SLC5A5: variants seen among roughly 807,000 people sequenced by gnomAD.
SLC5A5 encodes sodium/iodide cotransporter.
SLC5A5 carries 56 observed loss-of-function variants against 68.6 expected under a neutral mutation model. The ratio of observed to expected loss-of-function variants is 0.82; its 90% CI spans 0.66 to 1.02. SLC5A5 has a LOEUF of 1.02. Ranked by LOEUF, SLC5A5 falls within the 50% of genes least tolerant of loss-of-function variation. SLC5A5 has a pLI of 0.00. For synonymous variants in SLC5A5, 398 were observed against 373.0 expected (o/e 1.07, Z -0.77); for missense variants, 807 against 859.8 (o/e 0.94, Z 0.77).
At chr19:17,883,428 GAAGA>G (rs2094325468) in intron 10 of SLC5A5, among the ~76,000 whole-genome samples, 1 of 150,580 alleles carries the variant, frequency 6.6e-6, no homozygotes, top group African/African-American at 2.4e-5. Flanking sequence ...AAAAAAAGAA[GAAGA>G]AAGGGTCTCC....
chr19:17,889,598 G>T (rs1599932959), intron 13 of SLC5A5, among the ~76,000 whole-genome samples: 2 of 152,114 alleles, frequency 1.3e-5, no homozygotes, highest in Admixed American at 1.3e-4. Context: ...TCATCCTCCC[G>T]AGTAGCTGAG....
chr19:17,883,111 C>T (rs1397708770), intron 10 of SLC5A5, among the ~76,000 whole-genome samples: 1 of 152,064 alleles, frequency 6.6e-6, no homozygotes. Context: ...TGAGCCACCA[C>T]GCCTGGCCTG....
chr19:17,893,412 T>C (rs2030276574), intron 14 of SLC5A5, among the ~76,000 whole-genome samples: 1 of 152,038 alleles, frequency 6.6e-6, no homozygotes, highest in Non-Finnish European at 1.5e-5. Context: ...CAGAAATATT[T>C]ATTTTCTTGA....
chr19:17,893,692 C>CT, intron 14 of SLC5A5, 21 bp from the exon 15 acceptor site: 1 of 1,612,504 alleles, frequency 6.2e-7, no homozygotes, highest in Non-Finnish European at 8.5e-7. Context: ...GATGGGGTCT[C>CT]TTTTTCCCAC....
At chr19:17,876,932 G>A (rs1042036086) in intron 5 of SLC5A5, among the ~76,000 whole-genome samples, 4 of 151,954 alleles carry the variant, frequency 2.6e-5, no homozygotes, top group African/African-American at 9.7e-5. Context: ...CGGGGAGGCT[G>A]AGGCAGGAGA....
In SLC5A5 at chr19:17,877,990, T is replaced by C. The variant is rs1419486012; in HGVS notation, c.866T>C (p.Leu289Pro). 6.2e-7 allele frequency: 1 copy of C among 1,613,428 alleles called. No homozygotes were observed. Among genetic ancestry groups the C allele is most frequent in the African/African-American group, 1.3e-5 (1 of 74,934 alleles). The change falls in exon 7 of 15, where the codon CTG becomes CCG. Residue 289 changes from leucine (L) to proline (P), a missense_variant. Coordinates refer to ENST00000222248, the MANE Select transcript of SLC5A5 (RefSeq NM_000453.3). Reference protein sequence around the residue: ...KLALLINQVGLFLIVSSAACC... With the variant: ...KLALLINQVGPFLIVSSAACC... ...GCCCTGCTCATCAACCAGGTCGGCCTGTTCCTGATCGTGTCCAGCGCTGCC... is the reference window on the plus strand; with the variant it reads ...GCCCTGCTCATCAACCAGGTCGGCCCGTTCCTGATCGTGTCCAGCGCTGCC...
Position 17,880,963 on chromosome 19 carries a change from C to A in SLC5A5, c.1058+10C>A. 1.2e-6 allele frequency: 2 copies of A among 1,602,896 alleles called. No individual in the cohort carries two copies. The highest frequency in any genetic ancestry group is 1.3e-5 in the African/African-American group (1 of 74,842). On this transcript the variant is annotated intron_variant, in intron 8 of 14. Transcript: ENST00000222248. ...ACAGTGGCACCCTCAGGTGAGCACC[C>A]CTGCTTGTTCATGGAGCATTATTTC...
chr19:17,872,215 T>A lies in SLC5A5; in HGVS notation c.-105T>A. ...CGGAGCGGGGACAGGCTGCCGAGCA[T>A]CCTCCCACCCGCCCTCCCCGTCCTG... On this transcript the variant is annotated 5_prime_UTR_variant, in exon 1 of 15. Coordinates refer to ENST00000222248, the MANE Select transcript of SLC5A5 (RefSeq NM_000453.3). 3 of 612,714 alleles carry A rather than the reference T, an allele frequency of 4.9e-6. No individual in the cohort carries two copies. Among genetic ancestry groups the A allele is most frequent in the Non-Finnish European group, 8.8e-6 (3 of 342,086 alleles). The allele number at this position is 612,714 out of a possible 1,614,324, so 38.0% of individuals were successfully genotyped here.
intron 10 of SLC5A5, 46 bp from the exon 11 acceptor site, chr19:17,883,635 G>A (rs1255628267): frequency 1.3e-6 from 2 of 1,487,850 alleles, no homozygotes; most frequent in African/African-American, 1.4e-5. Context: ...GGCCCAGAGC[G>A]GTGGGAGGGC....
Position 17,890,993 on chromosome 19 carries a change from T to C in SLC5A5, c.1759T>C (p.Leu587=). 1 of 1,607,294 alleles carries C rather than the reference T, an allele frequency of 6.2e-7. No individual in the cohort carries two copies. Among genetic ancestry groups the C allele is most frequent in the African/African-American group, 1.3e-5 (1 of 74,916 alleles). ...AGAAGTGGCCATCCTGGATGACAAC[T>C]TGGTCAAGGTCAGTCTTAGGCTGGG... ...KEEVAILDDN[L]VKGPEELPTG... The change falls in exon 14 of 15, where the codon TTG becomes CTG. Residue 587 remains leucine, a synonymous_variant. Coordinates refer to ENST00000222248, the MANE Select transcript of SLC5A5 (RefSeq NM_000453.3).
At chr19:17,876,306 G>T (rs2094307116) in intron 5 of SLC5A5, among the ~76,000 whole-genome samples, 200 bp downstream of exon 5, 1 of 151,872 alleles carries the variant, frequency 6.6e-6, no homozygotes, top group Non-Finnish European at 1.5e-5. Flanking sequence ...GTGCACCTGT[G>T]GTCCCAGGTA....
At chr19:17,876,158 G>T in intron 5 of SLC5A5, 52 bp downstream of exon 5, 2 of 1,587,172 alleles carry the variant, frequency 1.3e-6, no homozygotes, top group South Asian at 1.1e-5. Context: ...GGACCAGTGC[G>T]GTGGCTCATG....
intron 7 of SLC5A5, among the ~76,000 whole-genome samples, chr19:17,879,415 C>G (rs962572471): frequency 1.3e-5 from 2 of 152,216 alleles, no homozygotes; most frequent in African/African-American, 4.8e-5. Context: ...ATGTCCCAAG[C>G]GTCCACTCTG....
chr19:17,874,164 A>C lies in SLC5A5; in HGVS notation c.384A>C (p.Ala128=), dbSNP rs1430350836. The C allele has an allele frequency of 7.4e-6, 12 of 1,612,256 alleles. No homozygotes were observed. The highest frequency in any genetic ancestry group is 1.3e-5 in the African/African-American group (1 of 74,906). Residue 128 remains alanine (A), a synonymous_variant, in exon 2 of 15, where the codon GCA becomes GCC. Coordinates refer to ENST00000222248, the MANE Select transcript of SLC5A5 (RefSeq NM_000453.3). ...YEYLEMRFSR[A]VRLCGTLQYI... ...ACCTGGAGATGCGCTTCAGCCGCGCAGTGCGGCTCTGCGGGACTTTGCAGT... is the reference window on the plus strand; with the variant it reads ...ACCTGGAGATGCGCTTCAGCCGCGCCGTGCGGCTCTGCGGGACTTTGCAGT...
chr19:17,874,134 G>T lies in SLC5A5; in HGVS notation c.358-4G>T, dbSNP rs770144596. The T allele has an allele frequency of 2.5e-6, 4 of 1,609,204 alleles. No individual in the cohort carries two copies. The highest frequency in any genetic ancestry group is 3.4e-6 in the Non-Finnish European group (4 of 1,176,076). ...TCCAGGTGACCTCGAGTCCCTCCTTGCAGTACCTGGAGATGCGCTTCAGCC... is the reference window on the plus strand; with the variant it reads ...TCCAGGTGACCTCGAGTCCCTCCTTTCAGTACCTGGAGATGCGCTTCAGCC... On this transcript the variant is annotated splice_polypyrimidine_tract_variant and splice_region_variant and intron_variant, in intron 1 of 14. Transcript: ENST00000222248.
At chr19:17,891,544 G>A (rs955526216) in intron 14 of SLC5A5, among the ~76,000 whole-genome samples, 20 of 152,178 alleles carry the variant, frequency 1.3e-4, no homozygotes, top group African/African-American at 4.6e-4. Context: ...CATAAGGACT[G>A]AACAAAGTTG....
chr19:17,888,536 A>G (rs372531011), intron 13 of SLC5A5, 81 bp downstream of exon 13: 2 of 1,498,592 alleles, frequency 1.3e-6, no homozygotes, highest in South Asian at 2.3e-5. Context: ...GGGAGGGGAG[A>G]AAGGACGCTC....
At chr19:17,892,654 G>GAC (rs2030221252) in intron 14 of SLC5A5, among the ~76,000 whole-genome samples, 2 of 70,350 alleles carry the variant, frequency 2.8e-5, no homozygotes, top group African/African-American at 1.1e-4. Context: ...AGAAAAGACA[G>GAC]AGAGAGAGAG....
Position 17,877,602 on chromosome 19 carries a change from C to G in SLC5A5, c.699-121C>G, listed in dbSNP as rs1347420085. ...GGATTACAGGCATGAGCCACTGCGC[C>G]TGGCCAACAAAACCCACTCCAAATG... is the stretch of plus-strand genomic sequence containing the variant. On this transcript the variant is annotated intron_variant, in intron 5 of 14. Coordinates refer to ENST00000222248, the MANE Select transcript of SLC5A5 (RefSeq NM_000453.3). 3 of 1,293,478 alleles carry G rather than the reference C, an allele frequency of 2.3e-6. No homozygotes were observed. The East Asian group carries it at 7.6e-5, about 33-fold the overall frequency. The allele number at this position is 1,293,478 out of a possible 1,614,324, so 80.1% of individuals were successfully genotyped here.
Sources: gnomAD v4.1 joint callset for allele counts (sites outside exome capture counted in the v4.1 genomes callset) on GRCh38, gnomAD v4.1.1 for gene constraint, MANE v1.5 for transcripts, NCBI Gene and HGNC (gene_info 2026-07-23, HGNC 2026-07-21) for gene names.